UTP18: variants seen among roughly 807,000 people sequenced by gnomAD.
The protein encoded by UTP18 is U3 small nucleolar RNA-associated protein 18 homolog.
A neutral mutation model predicts 61.1 loss-of-function variants in UTP18; 36 were observed. The observed-to-expected ratio is 0.59, with a 90% CI of 0.45 to 0.78. The LOEUF (loss-of-function observed/expected upper bound fraction) is 0.78, where lower values mean the gene tolerates loss of function less well. UTP18 is among the 30% of genes least tolerant of loss of function. The probability of loss-of-function intolerance (pLI) is 0.00; values close to 1 mark genes in which losing one functional copy is unlikely to be tolerated. For missense variants in UTP18, 753 were observed against 693.9 expected (o/e 1.09, Z -0.96); for synonymous variants, 282 against 251.1 (o/e 1.12, Z -1.16).
At chr17:51,285,997 T>G (rs1259461676) in intron 10 of UTP18, among the ~76,000 whole-genome samples, 2 of 152,240 alleles carry the variant, frequency 1.3e-5, no homozygotes, top group African/African-American at 4.8e-5. Flanking sequence ...ATTTTCAGCT[T>G]CTTGTCATTG....
intron 9 of UTP18, among the ~76,000 whole-genome samples, chr17:51,284,995 A>T (rs1042190323): frequency 3.3e-5 from 5 of 151,612 alleles, no homozygotes; most frequent in Non-Finnish European, 7.4e-5. Flanking sequence ...CGGGAGAAGG[A>T]GGTTGCAGTG....
intron 11 of UTP18, among the ~76,000 whole-genome samples, chr17:51,291,329 A>G (rs761309686): frequency 6.6e-6 from 1 of 152,232 alleles, no homozygotes; most frequent in Non-Finnish European, 1.5e-5. Context: ...AGATTCACCA[A>G]TGCATTGAGA....
chr17:51,271,880 C>G (rs8064307), intron 4 of UTP18, among the ~76,000 whole-genome samples: 59,160 of 151,730 alleles, frequency 0.39, 13,084 homozygotes, highest in East Asian at 0.6. Context: ...TTTGGTCAGG[C>G]TGGTCTCGAA....
intron 1 of UTP18, among the ~76,000 whole-genome samples, chr17:51,262,597 A>G: frequency 6.6e-6 from 1 of 151,938 alleles, no homozygotes; most frequent in East Asian, 1.9e-4. Context: ...ACACCTGCAC[A>G]ATTCTCCGAA....
chr17:51,277,212 G>A lies in UTP18; in HGVS notation c.920G>A (p.Gly307Glu). 1 of 1,614,122 alleles carries A rather than the reference G, an allele frequency of 6.2e-7. No individual in the cohort carries two copies. Among genetic ancestry groups the A allele is most frequent in the Non-Finnish European group, 8.5e-7 (1 of 1,180,010 alleles). ...PIFKACFSAN[G>E]EEVLATSTHS... The stretch of plus-strand genomic sequence containing the variant: ...TTTAAGGCTTGTTTTAGTGCTAATG[G>A]GGAAGAAGTTTTAGCCACGAGTACC... The change falls in exon 7 of 14, where the codon GGG (glycine) becomes GAG (glutamate). Residue 307 changes from glycine (G) to glutamate (E), a missense_variant. By Grantham distance (98) the Gly-to-Glu change is moderately conservative. Transcript: ENST00000225298.
At chr17:51,288,465 C>T in intron 11 of UTP18, 1 of 492,244 alleles carries the variant, frequency 2.0e-6, no homozygotes, top group Non-Finnish European at 3.9e-6. Context: ...TCAGAGGTTT[C>T]TTTTAGTATT....
chr17:51,267,234 A>T (rs1232714954), intron 3 of UTP18, among the ~76,000 whole-genome samples: 1 of 152,162 alleles, frequency 6.6e-6, no homozygotes, highest in Non-Finnish European at 1.5e-5. Flanking sequence ...AAGTGCTGGG[A>T]ATACAGAGGT....
chr17:51,277,286 C>A lies in UTP18; in HGVS notation c.994C>A (p.Pro332Thr). The change falls in exon 7 of 14, where the codon CCT becomes ACT. Residue 332 changes from proline (P) to threonine (T), a missense_variant. By Grantham distance (38) the Pro-to-Thr change is conservative (BLOSUM62 -1). Coordinates refer to ENST00000225298, the MANE Select transcript of UTP18 (RefSeq NM_016001.3). ...TGACATGCTGGCTGGAAAGTTAATT[C>A]CTGTGCATCAAGTGAGAGGTAAGAT... ...VYDMLAGKLIPVHQVRGLKEK... is the reference protein window; with the variant it reads ...VYDMLAGKLITVHQVRGLKEK... 8.1e-6 allele frequency: 13 copies of A among 1,614,026 alleles called. No homozygotes were observed. Among genetic ancestry groups the A allele is most frequent in the Non-Finnish European group, 1.1e-5 (13 of 1,179,972 alleles).
At chr17:51,269,190 G>C (rs1488649258) in intron 4 of UTP18, among the ~76,000 whole-genome samples, 1 of 151,250 alleles carries the variant, frequency 6.6e-6, no homozygotes, top group Non-Finnish European at 1.5e-5. Flanking sequence ...GGGGGGCTGA[G>C]GTGGGAGGAT....
Position 51,288,083 on chromosome 17 carries a change from A to G in UTP18, c.1383A>G (p.Thr461=). ...IYNQDSCLQE[T]NPKPIKAIMN... is the part of the protein sequence containing the mutation. Reference sequence around the variant, plus strand: ...ATCAAGATTCTTGTCTCCAAGAAACAAACCCAAAGCCAATAAAAGCTATAA... The same window carrying G: ...ATCAAGATTCTTGTCTCCAAGAAACGAACCCAAAGCCAATAAAAGCTATAA... The change falls in exon 11 of 14, where the codon ACA becomes ACG. Residue 461 remains threonine (T), a synonymous_variant. Transcript: ENST00000225298. The G allele has an allele frequency of 5.0e-6, 8 of 1,608,556 alleles. No homozygotes were observed. The highest frequency in any genetic ancestry group is 6.8e-6 in the Non-Finnish European group (8 of 1,178,602).
At chr17:51,286,584 C>A (rs996462338) in intron 10 of UTP18, 4 of 456,090 alleles carry the variant, frequency 8.8e-6, no homozygotes, top group African/African-American at 8.0e-5. Flanking sequence ...AGCTTGGAGA[C>A]CAGGCCATCT....
chr17:51,274,327 C>T (rs1469343032), intron 5 of UTP18, among the ~76,000 whole-genome samples: 1 of 152,220 alleles, frequency 6.6e-6, no homozygotes, highest in African/African-American at 2.4e-5. Context: ...ATTATGGTAA[C>T]CAGCTGCCTA....
At chr17:51,274,116 CTG>C (rs1051563034) in intron 5 of UTP18, among the ~76,000 whole-genome samples, 18 of 152,312 alleles carry the variant, frequency 1.2e-4, no homozygotes, top group African/African-American at 3.6e-4. Flanking sequence ...AAGCCTTTTT[CTG>C]TTTCTTGGAC....
chr17:51,265,178 T>C (rs1598473690), intron 2 of UTP18, among the ~76,000 whole-genome samples: 1 of 152,182 alleles, frequency 6.6e-6, no homozygotes, highest in Non-Finnish European at 1.5e-5. Context: ...TCCTTCATTA[T>C]TTTTACTGCT....
At chr17:51,274,798 G>C (rs1176823576) in intron 5 of UTP18, among the ~76,000 whole-genome samples, 1 of 151,908 alleles carries the variant, frequency 6.6e-6, no homozygotes, top group Non-Finnish European at 1.5e-5. Flanking sequence ...ATTTAAATGG[G>C]GCAGGGGAAA....
Position 51,277,083 on chromosome 17 carries a change from A to G in UTP18, c.838-47A>G, listed in dbSNP as rs182775949. On this transcript the variant is annotated intron_variant, in intron 6 of 13. Coordinates refer to ENST00000225298, the MANE Select transcript of UTP18 (RefSeq NM_016001.3). ...TGAAAAGTATATACTACCAGGATAC[A>G]GGGTCTGTGGAAATAATCAAAAGAA... is the stretch of plus-strand genomic sequence containing the variant. 6.0e-5 allele frequency: 94 copies of G among 1,578,156 alleles called. No individual in the cohort carries two copies. In the African/African-American group the frequency reaches 1.1e-3, roughly 18 times the overall value.
At chr17:51,296,593 T>A (rs1284557002) in intron 12 of UTP18, 3 of 167,604 alleles carry the variant, frequency 1.8e-5, no homozygotes, top group African/African-American at 7.1e-5. Flanking sequence ...ATAAGTGAAA[T>A]TTTTTTTTCT....
At chr17:51,269,766 G>C (rs573448394) in intron 4 of UTP18, among the ~76,000 whole-genome samples, 1 of 152,088 alleles carries the variant, frequency 6.6e-6, no homozygotes, top group African/African-American at 2.4e-5. Context: ...GAATCTTAGT[G>C]ATGTGGCCTG....
intron 3 of UTP18, among the ~76,000 whole-genome samples, chr17:51,267,339 T>G (rs1050831237): frequency 1.3e-5 from 2 of 152,204 alleles, no homozygotes; most frequent in Non-Finnish European, 2.9e-5. Flanking sequence ...ACTCCTGTTT[T>G]TTATTGAGGT....
Sources: allele counts gnomAD v4.1 joint callset (sites outside exome capture counted in the v4.1 genomes callset), GRCh38; gene constraint gnomAD v4.1.1; transcripts MANE v1.5; gene names NCBI Gene and HGNC (gene_info 2026-07-23, HGNC 2026-07-21).